The following GOLGA8T variants were observed in gnomAD, a reference collection of about 807,000 sequenced individuals.
GOLGA8T encodes golgin A8 family member T.
GOLGA8T carries 17 observed loss-of-function variants against 52.0 expected under a neutral mutation model. The ratio of observed to expected loss-of-function variants is 0.33; its 90% confidence interval spans 0.22 to 0.49. The LOEUF is 0.49. Among genes scored for constraint, GOLGA8T ranks in the 20% least tolerant of loss-of-function variants. The pLI is 0.99. For synonymous variants in GOLGA8T, 67 were observed against 169.5 expected (o/e 0.40, Z 4.70); for missense variants, 154 against 462.1 (o/e 0.33, Z 6.11).
chr15:30,142,281 G>C, intron 12 of GOLGA8T, 33 bp from the exon 13 acceptor site: 1 of 1,402,148 alleles, frequency 7.1e-7, no homozygotes. Flanking sequence ...TCCAGCTGCA[G>C]TGGGTGGCTG....
rs368948100 is a variant in GOLGA8T, at chr15:30,141,558, G to C, written c.874+133G>C. ...GGGAAAGAGATCTGTGCCAGGAGAC[G>C]GCGAGTCTTGTCATCTCAATGAGTC... On this transcript the variant is annotated intron_variant, in intron 11 of 18. Transcript: ENST00000569052. 50 of 755,602 alleles carry C rather than the reference G, an allele frequency of 6.6e-5. 3 individuals carry two copies. The highest frequency in any genetic ancestry group is 1.3e-4 in the Admixed American group (6 of 44,604). The allele number at this position is 755,602 out of a possible 1,614,324, so 46.8% of individuals were successfully genotyped here. A position where few individuals can be genotyped will look rare whatever the true frequency, so the allele number is the denominator to read the frequency against.
Position 30,140,944 on chromosome 15 carries a change from G to T in GOLGA8T, c.678+16G>T. 1.9e-6 allele frequency: 3 copies of T among 1,547,716 alleles called. 1 individual carries two copies. Among genetic ancestry groups the T allele is most frequent in the Non-Finnish European group, 2.6e-6 (3 of 1,149,150 alleles). The stretch of plus-strand genomic sequence containing the variant: ...GCTGACACAGGTGAGGTTTTCTGAG[G>T]GAGTTATGTGGAAGGAAGATGACCC... On this transcript the variant is annotated intron_variant, in intron 9 of 18. Transcript: ENST00000569052.
At chr15:30,137,257 A>T (rs2057702169) in intron 2 of GOLGA8T, among the ~76,000 whole-genome samples, 1 of 146,470 alleles carries the variant, frequency 6.8e-6, no homozygotes, top group South Asian at 2.2e-4. Context: ...GTGTGCCTGT[A>T]GTCCCAGCTA....
At position 30,145,641 on chromosome 15, in the gene GOLGA8T, C is replaced by A; in HGVS notation, c.*74C>A. ...CAAGTTATGGGGTTAATCTCCTACA[C>A]AATTCATTTACTTCCTTTGAATGTT... On this transcript the variant is annotated 3_prime_UTR_variant, in exon 19 of 19. Coordinates refer to ENST00000569052, the MANE Select transcript of GOLGA8T (RefSeq NM_001355469.2). 7.7e-6 allele frequency: 6 copies of A among 783,128 alleles called. 1 individual carries two copies. The highest frequency in any genetic ancestry group is 3.9e-4 in the Middle Eastern group (1 of 2,552). The allele number at this position is 783,128 out of a possible 1,614,324, so 48.5% of individuals were successfully genotyped here.
chr15:30,136,767 T>G, intron 1 of GOLGA8T, 99 bp from the exon 2 acceptor site: 1 of 593,230 alleles, frequency 1.7e-6, no homozygotes, highest in South Asian at 2.0e-5. Flanking sequence ...TGTCATTAAA[T>G]CAGATGGTGT....
chr15:30,140,232 T>TC (rs2057724478), intron 8 of GOLGA8T: 1 of 423,540 alleles, frequency 2.4e-6, no homozygotes, highest in Admixed American at 2.9e-5. Flanking sequence ...CATAAAAAAG[T>TC]CAGGAGAGAG....
chr15:30,144,604 C>T (rs1444979904), intron 15 of GOLGA8T, among the ~76,000 whole-genome samples, 175 bp from the exon 16 acceptor site: 2 of 130,842 alleles, frequency 1.5e-5, no homozygotes, highest in Non-Finnish European at 3.2e-5. Context: ...AGCCAGAGGC[C>T]CTGGAGCCCC....
Position 30,145,070 on chromosome 15 carries a change from C to T in GOLGA8T, c.1564+14C>T. 1.6e-6 allele frequency: 2 copies of T among 1,250,028 alleles called. No homozygotes were observed. The highest frequency in any genetic ancestry group is 2.1e-6 in the Non-Finnish European group (2 of 963,614). 77.4% of individuals were successfully genotyped at this position (1,250,028 alleles called of 1,614,324 possible). A position where few individuals can be genotyped will look rare whatever the true frequency, so the allele number is the denominator to read the frequency against. ...GAGGAGATGAAGGTAGGGTGTGCAACATCTCTGTGGGGGTGGGGGTGGGGG... is the reference window on the plus strand; with the variant it reads ...GAGGAGATGAAGGTAGGGTGTGCAATATCTCTGTGGGGGTGGGGGTGGGGG... On this transcript the variant is annotated intron_variant, in intron 17 of 18. Coordinates refer to ENST00000569052, the MANE Select transcript of GOLGA8T (RefSeq NM_001355469.2).
chr15:30,145,654 T>G lies in GOLGA8T; in HGVS notation c.*87T>G. On this transcript the variant is annotated 3_prime_UTR_variant, in exon 19 of 19. Coordinates refer to ENST00000569052, the MANE Select transcript of GOLGA8T (RefSeq NM_001355469.2). ...TAATCTCCTACACAATTCATTTACT[T>G]CCTTTGAATGTTAGACTCACTCATG... 1.2e-6 allele frequency: 1 copy of G among 809,888 alleles called. No homozygotes were observed. The highest frequency in any genetic ancestry group is 2.5e-5 in the East Asian group (1 of 39,940). 50.2% of individuals were successfully genotyped at this position (809,888 alleles called of 1,614,324 possible).
rs1247099927 is a variant in GOLGA8T at position 30,147,955 on chromosome 15, GA to G, written c.*2390del. Reference sequence around the variant, plus strand: ...AATCACACACTGGCATATTTAAGCTGAAGGTCAGTCTGGAAAATAAATTTAC... The same window carrying G: ...AATCACACACTGGCATATTTAAGCTGAGGTCAGTCTGGAAAATAAATTTAC... On this transcript the variant is annotated 3_prime_UTR_variant, in exon 19 of 19. Transcript: ENST00000569052. 2.0e-5 allele frequency among the ~76,000 whole-genome samples: 1 copy of G among 49,418 alleles called. No individual in the cohort carries two copies. The highest frequency in any genetic ancestry group is 3.2e-5 in the Non-Finnish European group (1 of 30,976). 32.4% of individuals were successfully genotyped at this position (49,418 alleles called of 152,430 possible).
At position 30,140,939 on chromosome 15, in the gene GOLGA8T, C is replaced by G. The variant is rs780333001; in HGVS notation, c.678+11C>G. ...GTGCAGCTGACACAGGTGAGGTTTT[C>G]TGAGGGAGTTATGTGGAAGGAAGAT... is the stretch of plus-strand genomic sequence containing the variant. On this transcript the variant is annotated intron_variant, in intron 9 of 18. Transcript: ENST00000569052. 1.9e-6 allele frequency: 3 copies of G among 1,557,480 alleles called. 1 individual carries two copies. In the South Asian group the frequency reaches 3.4e-5, roughly 18 times the overall value.
intron 8 of GOLGA8T, chr15:30,140,218 G>T (rs531308221): frequency 2.3e-6 from 1 of 443,228 alleles, no homozygotes; most frequent in Non-Finnish European, 4.1e-6. Context: ...TGTCTGCAAG[G>T]GTTCATAAAA....
rs199547029 is a variant in GOLGA8T at position 30,144,881 on chromosome 15, G to T, written c.1466+5G>T. ...CTGGCGAGACAGACGCCATCAGTGA[G>T]TGGGAGGCCAGGGCACGGCAGGGGG... On this transcript the variant is annotated splice_donor_5th_base_variant and intron_variant, in intron 16 of 18. Coordinates refer to ENST00000569052, the MANE Select transcript of GOLGA8T (RefSeq NM_001355469.2). 2.7e-4 allele frequency: 428 copies of T among 1,589,092 alleles called. 25 individuals are homozygous for T. The highest frequency in any genetic ancestry group is 1.9e-4 in the Middle Eastern group (1 of 5,398).
At position 30,136,984 on chromosome 15, in the gene GOLGA8T, A is replaced by T. The variant is rs1441491667; in HGVS notation, c.167A>T (p.Asp56Val). 2.7e-6 allele frequency: 3 copies of T among 1,098,764 alleles called. No homozygotes were observed. The highest frequency in any genetic ancestry group is 3.8e-6 in the Non-Finnish European group (3 of 793,322). 68.1% of individuals were successfully genotyped at this position (1,098,764 alleles called of 1,614,324 possible). A position where few individuals can be genotyped will look rare whatever the true frequency, so the allele number is the denominator to read the frequency against. ...TCTGGTGGTTGCCAGCCACCTAGGGATGTGAGTCTTGGCTGACCAGGCTTC... is the reference window on the plus strand; with the variant it reads ...TCTGGTGGTTGCCAGCCACCTAGGGTTGTGAGTCTTGGCTGACCAGGCTTC... The part of the protein sequence containing the change: ...ATSGGCQPPR[D>V]SATGFHREGP... Residue 56 changes from aspartate (D) to valine (V), a missense_variant and splice_region_variant, in exon 2 of 19, where the codon GAT (aspartate) becomes GTT (valine). Transcript: ENST00000569052.
chr15:30,143,324 A>T lies in GOLGA8T; in HGVS notation c.1201-282A>T, dbSNP rs1000178690. Among the ~76,000 whole-genome samples the T allele has an allele frequency of 3.5e-5, 4 of 112,680 alleles. 1 individual carries two copies. Among genetic ancestry groups the T allele is most frequent in the Non-Finnish European group, 6.5e-5 (4 of 61,620 alleles). 73.9% of individuals were successfully genotyped at this position (112,680 alleles called of 152,430 possible). On this transcript the variant is annotated intron_variant, in intron 13 of 18. Transcript: ENST00000569052. ...GTGGAGCTGAAGAGCCAAGAGGCTC[A>T]GAGTCTGCAGCAGCAGCCAGACCAT...
In GOLGA8T at chr15:30,148,394, G is replaced by A. The variant is rs1341638439; in HGVS notation, c.*2827G>A. On this transcript the variant is annotated 3_prime_UTR_variant, in exon 19 of 19. Transcript: ENST00000569052. ...AAGCGATTTTAGAAAATTTGAAAAT[G>A]TAAATCAGCCCTATCCATAATATAG... 3.8e-5 allele frequency among the ~76,000 whole-genome samples: 5 copies of A among 129,884 alleles called. 1 individual carries two copies. The highest frequency in any genetic ancestry group is 7.6e-5 in the Non-Finnish European group (5 of 65,534). 85.2% of individuals were successfully genotyped at this position (129,884 alleles called of 152,430 possible).
rs1293118337 is a variant in GOLGA8T at position 30,148,740 on chromosome 15, T to G, written c.*3173T>G. Reference sequence around the variant, plus strand: ...ATGCCACTGTAATGTAATAAATTATTAAATTGTTTCAATGTGTTGTTTTTG... The same window carrying G: ...ATGCCACTGTAATGTAATAAATTATGAAATTGTTTCAATGTGTTGTTTTTG... On this transcript the variant is annotated 3_prime_UTR_variant, in exon 19 of 19. Coordinates refer to ENST00000569052, the MANE Select transcript of GOLGA8T (RefSeq NM_001355469.2). Among the ~76,000 whole-genome samples, 1 of 148,388 alleles carries G rather than the reference T, an allele frequency of 6.7e-6. No homozygotes were observed. Among genetic ancestry groups the G allele is most frequent in the Non-Finnish European group, 1.5e-5 (1 of 67,518 alleles).
In GOLGA8T at chr15:30,141,085, A is replaced by G; in HGVS notation, c.729A>G (p.Glu243=). 8.3e-7 allele frequency: 1 copy of G among 1,212,114 alleles called. No individual in the cohort carries two copies. The highest frequency in any genetic ancestry group is 2.4e-5 in the East Asian group (1 of 40,902). The allele number at this position is 1,212,114 out of a possible 1,614,324, so 75.1% of individuals were successfully genotyped here. The change falls in exon 10 of 19, where the codon GAA becomes GAG. Residue 243 remains glutamate, a synonymous_variant. Transcript: ENST00000569052. The part of the protein sequence containing the change: ...QVQLERDEYS[E]HLKGERARWQ... ...AATTAGAAAGAGATGAGTATTCTGA[A>G]CATCTAAAAGGAGAGAGGGCCCGGT...
rs1424269030 is a variant in GOLGA8T, at chr15:30,140,890, A to G, written c.640A>G (p.Met214Val). ...TACGGAGTGGAAGTTAGAGCAGTCC[A>G]TGCGGGAGGAGACACTACTGAAAGT... ...ARTEWKLEQS[M>V]REETLLKVQL... is the part of the protein sequence containing the mutation. The change falls in exon 9 of 19, where the codon ATG becomes GTG. Residue 214 changes from methionine (M) to valine (V), a missense_variant. Physicochemically the swap from Met to Val is conservative, Grantham distance 21. Around this residue, in one of 6 missense-constraint regions of GOLGA8T, gnomAD observed 56 missense variants for 134.2 expected, o/e 0.42. Coordinates refer to ENST00000569052, the MANE Select transcript of GOLGA8T (RefSeq NM_001355469.2). 12 of 1,555,980 alleles carry G rather than the reference A, an allele frequency of 7.7e-6. 1 individual carries two copies. Among genetic ancestry groups the G allele is most frequent in the East Asian group, 2.3e-5 (1 of 43,574 alleles).
Sources: allele counts gnomAD v4.1 joint callset (sites outside exome capture counted in the v4.1 genomes callset), GRCh38; gene constraint gnomAD v4.1.1; regional missense constraint gnomAD v4.1.1; transcripts MANE v1.5; gene names NCBI Gene and HGNC (gene_info 2026-07-23, HGNC 2026-07-21).